The following LUZP2 variants were observed in gnomAD, a reference collection of about 807,000 sequenced individuals.
LUZP2 encodes leucine zipper protein 2.
A neutral mutation model predicts 51.6 loss-of-function variants in LUZP2; 52 were observed. The ratio of observed to expected loss-of-function variants is 1.01; its 90% CI spans 0.81 to 1.27. The LOEUF (loss-of-function observed/expected upper bound fraction) is 1.27. LUZP2 is among the 50% of genes most tolerant of loss of function. The pLI is 0.00. For missense variants in LUZP2, 436 were observed against 395.4 expected, an observed-to-expected ratio of 1.10 and a Z score of -0.87; for synonymous variants, 154 against 137.3, an observed-to-expected ratio of 1.12 and a Z score of -0.85.
intron 7 of LUZP2, among the ~76,000 whole-genome samples, chr11:24,952,150 A>G (rs1337246468): frequency 1.3e-5 from 2 of 151,804 alleles, no homozygotes; most frequent in Non-Finnish European, 3.0e-5. Flanking sequence ...TTATAAAAAA[A>G]GAACATCTTT....
At chr11:24,921,249 A>C (rs1020469618) in intron 7 of LUZP2, among the ~76,000 whole-genome samples, 2 of 152,186 alleles carry the variant, frequency 1.3e-5, no homozygotes, top group Admixed American at 1.3e-4. Flanking sequence ...CATGTGCGGC[A>C]GAAAAGTGGT....
At chr11:24,866,782 T>C (rs1010674043) in intron 5 of LUZP2, among the ~76,000 whole-genome samples, 5 of 152,188 alleles carry the variant, frequency 3.3e-5, no homozygotes, top group African/African-American at 1.2e-4. Flanking sequence ...TGTGCTAGAC[T>C]TTGCAGGATT....
At chr11:24,876,706 G>T (rs945404772) in intron 5 of LUZP2, among the ~76,000 whole-genome samples, 57 of 152,200 alleles carry the variant, frequency 3.7e-4, no homozygotes, top group Non-Finnish European at 6.2e-4. Flanking sequence ...CCATTTTCAT[G>T]ATATTGATTC....
At chr11:25,028,370 C>A (rs888733831) in intron 9 of LUZP2, among the ~76,000 whole-genome samples, 1 of 152,066 alleles carries the variant, frequency 6.6e-6, no homozygotes, top group Non-Finnish European at 1.5e-5. Flanking sequence ...ATTACCCTTC[C>A]CAGCTTATGG....
chr11:24,645,373 C>T (rs548083734), intron 1 of LUZP2, among the ~76,000 whole-genome samples: 1 of 152,172 alleles, frequency 6.6e-6, no homozygotes, highest in South Asian at 2.1e-4. Context: ...TAGAGCTTTG[C>T]ATAATTATAT....
rs189518425 is a variant in LUZP2, at chr11:24,755,645, A to G, written c.334-7601A>G. 1.4e-3 allele frequency among the ~76,000 whole-genome samples: 220 copies of G among 152,248 alleles called. 3 individuals carry two copies. Among genetic ancestry groups the G allele is most frequent in the African/African-American group, 5.2e-3 (215 of 41,548 alleles). On this transcript the variant is annotated intron_variant, in intron 4 of 11. Transcript: ENST00000336930. ...CCAAAGAAACCTGAAAAACTAGTTC[A>G]GGAAGGGGATGACAGACATGCCTCA...
intron 5 of LUZP2, among the ~76,000 whole-genome samples, chr11:24,813,282 A>G (rs116620014): frequency 0.016 from 2,505 of 152,252 alleles, 69 homozygotes; most frequent in African/African-American, 0.057. Flanking sequence ...CTTCCTAAAT[A>G]GAGCCTGTAT....
At position 24,760,526 on chromosome 11, in the gene LUZP2, T is replaced by C. The variant is rs1381307933; in HGVS notation, c.334-2720T>C. Among the ~76,000 whole-genome samples the C allele has an allele frequency of 3.9e-5, 6 of 152,202 alleles. No homozygotes were observed. The East Asian group carries it at 1.2e-3, about 29-fold the overall frequency. On this transcript the variant is annotated intron_variant, in intron 4 of 11. Coordinates refer to ENST00000336930, the MANE Select transcript of LUZP2 (RefSeq NM_001009909.4). ...TTCAAGATTACTTTGAAAATTAATATGGCTAAAACACTAGACATGTTAATT... is the reference window on the plus strand; with the variant it reads ...TTCAAGATTACTTTGAAAATTAATACGGCTAAAACACTAGACATGTTAATT...
At chr11:24,768,391 T>A (rs1278817045) in intron 5 of LUZP2, among the ~76,000 whole-genome samples, 3 of 152,176 alleles carry the variant, frequency 2.0e-5, no homozygotes, top group African/African-American at 7.2e-5. Flanking sequence ...ATTACAGGCA[T>A]AAGCCATCGC....
chr11:24,562,730 T>C (rs1208493887), intron 1 of LUZP2, among the ~76,000 whole-genome samples: 12 of 148,074 alleles, frequency 8.1e-5, no homozygotes, highest in South Asian at 6.4e-4. Context: ...GGCGTGGTGG[T>C]GGGCGCCTGT....
At chr11:24,980,962 G>A (rs1856011366) in intron 8 of LUZP2, among the ~76,000 whole-genome samples, 1 of 151,826 alleles carries the variant, frequency 6.6e-6, no homozygotes, top group African/African-American at 2.4e-5. Context: ...AAACAAGTAG[G>A]AAAAGTGGTG....
At chr11:24,760,117 G>A (rs917989706) in intron 4 of LUZP2, among the ~76,000 whole-genome samples, 1 of 152,144 alleles carries the variant, frequency 6.6e-6, no homozygotes, top group African/African-American at 2.4e-5. Flanking sequence ...TCGGCAATTG[G>A]CAAAGATATT....
chr11:24,645,609 T>A (rs1227989286), intron 1 of LUZP2, among the ~76,000 whole-genome samples: 1 of 152,128 alleles, frequency 6.6e-6, no homozygotes, highest in Non-Finnish European at 1.5e-5. Context: ...ATCCAATTTA[T>A]CTAATTAGCA....
intron 1 of LUZP2, among the ~76,000 whole-genome samples, chr11:24,614,807 A>G (rs1854235012): frequency 6.6e-6 from 1 of 151,956 alleles, no homozygotes. Context: ...TTACCTTTGT[A>G]CACATTATTA....
chr11:24,698,098 A>G (rs575684586), intron 1 of LUZP2, among the ~76,000 whole-genome samples: 1 of 152,272 alleles, frequency 6.6e-6, no homozygotes, highest in Admixed American at 6.5e-5. Flanking sequence ...TTTGAGAAAT[A>G]TCTCCTGTCA....
At chr11:24,834,920 G>A (rs1850815594) in intron 5 of LUZP2, among the ~76,000 whole-genome samples, 1 of 152,044 alleles carries the variant, frequency 6.6e-6, no homozygotes, top group Non-Finnish European at 1.5e-5. Flanking sequence ...CAGTTTCTTT[G>A]CCCACTTTTT....
rs189313236 is a variant in LUZP2 at position 24,836,068 on chromosome 11, A to G, written c.397-69923A>G. On this transcript the variant is annotated intron_variant, in intron 5 of 11. Coordinates refer to ENST00000336930, the MANE Select transcript of LUZP2 (RefSeq NM_001009909.4). ...TAGCATAGACTATGGAGTTAAAGTG[A>G]GAAGAAATTCTGACTGTTTCACTTT... 4.1e-3 allele frequency among the ~76,000 whole-genome samples: 628 copies of G among 152,118 alleles called. 6 individuals carry two copies. Among genetic ancestry groups the G allele is most frequent in the African/African-American group, 0.014 (585 of 41,550 alleles).
intron 1 of LUZP2, among the ~76,000 whole-genome samples, chr11:24,663,440 T>G (rs1023157317): frequency 6.6e-6 from 1 of 152,154 alleles, no homozygotes; most frequent in African/African-American, 2.4e-5. Context: ...ATGAGTCAAT[T>G]AAACCTTTTT....
intron 1 of LUZP2, among the ~76,000 whole-genome samples, chr11:24,549,487 A>G (rs1354430059): frequency 6.6e-6 from 1 of 152,126 alleles, no homozygotes. Flanking sequence ...ACTAACAAGT[A>G]TAATATAGCA....
Sources: gnomAD v4.1 joint callset for allele counts (sites outside exome capture counted in the v4.1 genomes callset) on GRCh38, gnomAD v4.1.1 for gene constraint, MANE v1.5 for transcripts, NCBI Gene and HGNC (gene_info 2026-07-23, HGNC 2026-07-21) for gene names.